The following FSHR variants were observed in gnomAD, a reference collection of about 807,000 sequenced individuals.
FSHR encodes the protein follicle stimulating hormone receptor, also known as follicle-stimulating hormone receptor.
In FSHR, 46 loss-of-function variants were observed where a neutral mutation model predicts 52.1. The observed-to-expected ratio is 0.88, with a 90% CI of 0.70 to 1.13. The LOEUF (loss-of-function observed/expected upper bound fraction) is 1.13, where lower values mean the gene tolerates loss of function less well. Ranked by LOEUF, FSHR falls within the 50% of genes most tolerant of loss-of-function variation. FSHR has a pLI of 0.00. For synonymous variants in FSHR, 399 were observed against 309.6 expected (o/e 1.29, Z -3.03); for missense variants, 964 against 834.6 (o/e 1.16, Z -1.91).
At chr2:49,097,730 C>T (rs1004823705) in intron 1 of FSHR, among the ~76,000 whole-genome samples, 5 of 152,030 alleles carry the variant, frequency 3.3e-5, no homozygotes, top group African/African-American at 9.7e-5. Context: ...AGTTTAACAT[C>T]GGTCCTGAAG....
intron 1 of FSHR, among the ~76,000 whole-genome samples, chr2:49,135,579 A>T (rs1319881026): frequency 6.6e-6 from 1 of 152,116 alleles, no homozygotes; most frequent in African/African-American, 2.4e-5. Flanking sequence ...TTAAATCTAA[A>T]GCAAGCTGAA....
At chr2:49,110,424 C>T (rs1671382900) in intron 1 of FSHR, among the ~76,000 whole-genome samples, 1 of 152,110 alleles carries the variant, frequency 6.6e-6, no homozygotes, top group Non-Finnish European at 1.5e-5. Flanking sequence ...GTGAAGAACA[C>T]TTGAATTGTA....
chr2:49,113,197 G>T (rs942986131), intron 1 of FSHR, among the ~76,000 whole-genome samples: 1 of 152,162 alleles, frequency 6.6e-6, no homozygotes, highest in South Asian at 2.1e-4. Context: ...GACATGTGGG[G>T]CTCCAAGTCC....
intron 1 of FSHR, among the ~76,000 whole-genome samples, chr2:49,142,041 T>C (rs1215816582): frequency 6.6e-6 from 1 of 152,356 alleles, no homozygotes; most frequent in East Asian, 1.9e-4. Flanking sequence ...GTAGGACTTA[T>C]TAGATGTTTG....
chr2:49,113,138 T>G (rs2103758327), intron 1 of FSHR, among the ~76,000 whole-genome samples: 1 of 152,318 alleles, frequency 6.6e-6, no homozygotes, highest in Middle Eastern at 3.4e-3. Context: ...TACTCTTCAC[T>G]ACCAGCCTTG....
At chr2:49,119,020 A>C (rs1222943037) in intron 1 of FSHR, among the ~76,000 whole-genome samples, 1 of 152,186 alleles carries the variant, frequency 6.6e-6, no homozygotes, top group Non-Finnish European at 1.5e-5. Flanking sequence ...TCAAGAGCCT[A>C]GACACCAACA....
chr2:49,078,430 C>G (rs984615021), intron 1 of FSHR, among the ~76,000 whole-genome samples: 2 of 152,124 alleles, frequency 1.3e-5, no homozygotes, highest in Admixed American at 1.3e-4. Context: ...CTCTCCAACC[C>G]TTTTTATGTG....
At chr2:48,984,560 C>A (rs933922185) in intron 6 of FSHR, among the ~76,000 whole-genome samples, 1 of 150,168 alleles carries the variant, frequency 6.7e-6, no homozygotes, top group Non-Finnish European at 1.5e-5. Flanking sequence ...TTTTTATTGA[C>A]CAAATTCAAA....
At chr2:49,101,876 C>T (rs931641702) in intron 1 of FSHR, among the ~76,000 whole-genome samples, 5 of 152,090 alleles carry the variant, frequency 3.3e-5, no homozygotes, top group Admixed American at 1.3e-4. Flanking sequence ...GAAGGTGGCA[C>T]AGGGTATTAT....
chr2:49,010,531 T>C (rs1667230902), intron 4 of FSHR, among the ~76,000 whole-genome samples: 1 of 152,064 alleles, frequency 6.6e-6, no homozygotes, highest in African/African-American at 2.4e-5. Context: ...ATCAGAATGA[T>C]GCTGGCCTCA....
At chr2:49,000,358 G>T (rs1249243116) in intron 4 of FSHR, among the ~76,000 whole-genome samples, 1 of 152,138 alleles carries the variant, frequency 6.6e-6, no homozygotes, top group Non-Finnish European at 1.5e-5. Flanking sequence ...AGAAATCTTT[G>T]AGAAAATAGG....
chr2:49,013,126 C>T (rs955345269), intron 4 of FSHR, among the ~76,000 whole-genome samples: 37 of 151,118 alleles, frequency 2.4e-4, no homozygotes, highest in Non-Finnish European at 1.8e-4. Context: ...TATCTTCCCC[C>T]CCCACCCCCA....
chr2:49,081,809 G>A (rs1670180581), intron 1 of FSHR, among the ~76,000 whole-genome samples: 1 of 152,150 alleles, frequency 6.6e-6, no homozygotes, highest in Non-Finnish European at 1.5e-5. Context: ...CATACTTTGG[G>A]CAGTCCATTC....
chr2:49,083,407 C>G (rs568606132), intron 1 of FSHR, among the ~76,000 whole-genome samples: 1 of 151,694 alleles, frequency 6.6e-6, no homozygotes, highest in African/African-American at 2.4e-5. Context: ...AATGTAAAGA[C>G]CATCGAGACT....
chr2:49,116,201 A>G (rs757603870), intron 1 of FSHR, among the ~76,000 whole-genome samples: 6 of 152,150 alleles, frequency 3.9e-5, no homozygotes, highest in Non-Finnish European at 7.3e-5. Context: ...ATTAAGCCAT[A>G]TTGGGAAATT....
intron 2 of FSHR, among the ~76,000 whole-genome samples, chr2:49,060,797 G>A (rs565712806): frequency 5.3e-5 from 8 of 152,204 alleles, no homozygotes; most frequent in African/African-American, 1.9e-4. Flanking sequence ...GGGGAGTGCA[G>A]TCATCCATGT....
chr2:49,075,346 C>T (rs552077749), intron 1 of FSHR, among the ~76,000 whole-genome samples: 3 of 151,856 alleles, frequency 2.0e-5, no homozygotes, highest in African/African-American at 4.8e-5. Context: ...TAAAATATCA[C>T]ATTGCAAGAT....
Position 48,963,802 on chromosome 2 carries a change from T to G in FSHR, c.1019A>C (p.Glu340Ala). The change falls in exon 10 of 10, where the codon GAA (glutamate) becomes GCA (alanine). Residue 340 changes from glutamate to alanine, a missense_variant. Coordinates refer to ENST00000406846, the MANE Select transcript of FSHR (RefSeq NM_000145.4). ...AGGGGAGCAGGTCACGTCAACCACT[T>G]CATTGCATAAGTCATAGTCAAACTC... ...YTEFDYDLCNEVVDVTCSPKP... is the reference protein window; with the variant it reads ...YTEFDYDLCNAVVDVTCSPKP... 6.2e-7 allele frequency: 1 copy of G among 1,614,128 alleles called. No homozygotes were observed. Among genetic ancestry groups the G allele is most frequent in the South Asian group, 1.1e-5 (1 of 91,086 alleles).
At chr2:49,098,434 T>C (rs1670904088) in intron 1 of FSHR, among the ~76,000 whole-genome samples, 1 of 152,116 alleles carries the variant, frequency 6.6e-6, no homozygotes, top group Admixed American at 6.6e-5. Context: ...GAAGTGATGC[T>C]TGGATTAAAT....
Sources: gnomAD v4.1 joint callset for allele counts (sites outside exome capture counted in the v4.1 genomes callset) on GRCh38, gnomAD v4.1.1 for gene constraint, MANE v1.5 for transcripts, NCBI Gene and HGNC (gene_info 2026-07-23, HGNC 2026-07-21) for gene names.